The following SHTN1 variants were observed in gnomAD, a reference collection of about 807,000 sequenced individuals.
The protein encoded by SHTN1 is shootin 1, also known as shootin-1.
SHTN1 carries 42 observed loss-of-function variants against 83.1 expected under a neutral mutation model. The observed-to-expected ratio is 0.51, with a 90% CI of 0.39 to 0.65. SHTN1 has a LOEUF of 0.65. SHTN1 is among the 30% of genes least tolerant of loss of function. The pLI is 0.00. For missense variants in SHTN1, 622 were observed against 737.8 expected (o/e 0.84, Z 1.82); for synonymous variants, 224 against 247.7 (o/e 0.90, Z 0.90).
rs1564865080 is a variant in SHTN1, at chr10:116,899,542, T to TGG, written c.1673+2222_1673+2223insCC. Among the ~76,000 whole-genome samples, 2 of 94,620 alleles carry TGG rather than the reference T, an allele frequency of 2.1e-5. 1 individual carries two copies. Among genetic ancestry groups the TGG allele is most frequent in the African/African-American group, 6.1e-5 (2 of 32,746 alleles). 62.1% of individuals were successfully genotyped at this position (94,620 alleles called of 152,430 possible). On this transcript the variant is annotated intron_variant, in intron 16 of 16. Transcript: ENST00000355371. ...GTGTGTGTGTGTGTGTGTGTGTGTG[T>TGG]GTGTGAGAGAGTGCATGCATACATA...
chr10:117,003,407 T>C (rs1238994860), intron 1 of SHTN1, among the ~76,000 whole-genome samples: 1 of 149,360 alleles, frequency 6.7e-6, no homozygotes, highest in Non-Finnish European at 1.5e-5. Flanking sequence ...CCAAAGAGAC[T>C]AACATTTATC....
chr10:117,080,891 T>A (rs1853250839), intron 1 of SHTN1, among the ~76,000 whole-genome samples: 1 of 144,208 alleles, frequency 6.9e-6, no homozygotes, highest in Non-Finnish European at 1.5e-5. Flanking sequence ...TTTTGTATCC[T>A]GAGACTTTGC....
intron 1 of SHTN1, among the ~76,000 whole-genome samples, chr10:116,996,461 T>C (rs1375594401): frequency 2.0e-5 from 3 of 152,172 alleles, no homozygotes; most frequent in Non-Finnish European, 4.4e-5. Flanking sequence ...AGCTTTTGTA[T>C]CGACAACCTT....
At chr10:116,937,189 A>G (rs905226507) in intron 9 of SHTN1, among the ~76,000 whole-genome samples, 2 of 152,152 alleles carry the variant, frequency 1.3e-5, no homozygotes, top group South Asian at 4.1e-4. Context: ...TTATGTGTGA[A>G]TTTGATCCTG....
intron 9 of SHTN1, among the ~76,000 whole-genome samples, chr10:116,933,149 C>T (rs1273320016): frequency 1.3e-5 from 2 of 151,906 alleles, no homozygotes; most frequent in Non-Finnish European, 2.9e-5. Flanking sequence ...ATCAACATTT[C>T]CTTTTAAAAT....
chr10:116,969,656 G>C (rs766011617), intron 2 of SHTN1, among the ~76,000 whole-genome samples: 1 of 152,128 alleles, frequency 6.6e-6, no homozygotes, highest in Non-Finnish European at 1.5e-5. Context: ...ACTTTGGGAG[G>C]CAAGACCATA....
chr10:116,965,634 TC>T (rs1850362026), intron 3 of SHTN1, among the ~76,000 whole-genome samples: 1 of 152,128 alleles, frequency 6.6e-6, no homozygotes, highest in Non-Finnish European at 1.5e-5. Context: ...AAGAACTAAC[TC>T]CCTAAAGGTA....
intron 2 of SHTN1, 146 bp downstream of exon 2, chr10:116,979,110 C>A (rs1850917947): frequency 1.5e-6 from 1 of 674,938 alleles, no homozygotes; most frequent in Admixed American, 2.7e-5. Context: ...TTAGCTTGAA[C>A]CACACATGCA....
At chr10:117,088,607 C>T (rs559591885) in intron 1 of SHTN1, among the ~76,000 whole-genome samples, 4 of 152,166 alleles carry the variant, frequency 2.6e-5, no homozygotes, top group Admixed American at 6.5e-5. Context: ...TTCCTCCACC[C>T]TCCTTTGTCA....
intron 1 of SHTN1, among the ~76,000 whole-genome samples, chr10:117,109,504 G>C (rs1406040937): frequency 9.5e-6 from 1 of 105,710 alleles, no homozygotes; most frequent in East Asian, 2.9e-4. Context: ...TTTTTATATT[G>C]TCTTTTTTAT....
intron 15 of SHTN1, among the ~76,000 whole-genome samples, chr10:116,903,162 G>C (rs943872469): frequency 6.6e-6 from 1 of 152,192 alleles, no homozygotes; most frequent in Non-Finnish European, 1.5e-5. Context: ...CAAAGCATTA[G>C]TTTCTATCTT....
chr10:117,112,867 T>C (rs1441779753), intron 1 of SHTN1, among the ~76,000 whole-genome samples: 1 of 152,260 alleles, frequency 6.6e-6, no homozygotes, highest in Non-Finnish European at 1.5e-5. Context: ...GTTACATATA[T>C]GATTTATCAA....
chr10:117,096,852 G>C (rs978127081), intron 1 of SHTN1, among the ~76,000 whole-genome samples: 9 of 152,166 alleles, frequency 5.9e-5, no homozygotes, highest in African/African-American at 2.2e-4. Context: ...AAAAACTAAA[G>C]GGTCCATTGA....
At chr10:117,063,734 A>C (rs1456843868) in intron 1 of SHTN1, among the ~76,000 whole-genome samples, 1 of 152,074 alleles carries the variant, frequency 6.6e-6, no homozygotes, top group Non-Finnish European at 1.5e-5. Flanking sequence ...TTTATTCCTT[A>C]TAATACTCCA....
chr10:117,027,944 A>C (rs1852354280), intron 2 of SHTN1, among the ~76,000 whole-genome samples: 1 of 152,234 alleles, frequency 6.6e-6, no homozygotes, highest in Admixed American at 6.5e-5. Flanking sequence ...TGGAGGGCTC[A>C]GAAGAAGACA....
In SHTN1 at chr10:117,108,283, A is replaced by ACT. The variant is rs1477129655; in HGVS notation, c.-189+18023_-189+18024insAG. ...ATATGTTTATTGTGGCACTACTCGC[A>ACT]ATAGCAAAGACTTGGAACCAACCCA... On this transcript the variant is annotated intron_variant, in intron 1 of 17. Transcript: ENST00000392901. Among the ~76,000 whole-genome samples the ACT allele has an allele frequency of 1.0e-3, 155 of 152,260 alleles. 1 individual carries two copies. The highest frequency in any genetic ancestry group is 1.8e-3 in the Non-Finnish European group (123 of 68,032).
chr10:116,948,511 CTTAAT>C (rs1018549933), intron 7 of SHTN1, among the ~76,000 whole-genome samples: 2 of 152,164 alleles, frequency 1.3e-5, no homozygotes, highest in East Asian at 3.9e-4. Flanking sequence ...TCCACATCCT[CTTAAT>C]TTAAAATTTC....
intron 1 of SHTN1, among the ~76,000 whole-genome samples, chr10:117,070,232 A>G (rs1297299648): frequency 6.6e-6 from 1 of 151,896 alleles, no homozygotes; most frequent in East Asian, 1.9e-4. Context: ...TGGATATGGG[A>G]GGTATACATT....
intron 1 of SHTN1, among the ~76,000 whole-genome samples, chr10:117,103,480 G>C (rs943331819): frequency 1.3e-5 from 2 of 149,998 alleles, no homozygotes; most frequent in African/African-American, 4.9e-5. Flanking sequence ...TGGGTCTTGA[G>C]AGCTACTCTT....
Sources: allele counts gnomAD v4.1 joint callset (sites outside exome capture counted in the v4.1 genomes callset), GRCh38; gene constraint gnomAD v4.1.1; transcripts MANE v1.5; gene names NCBI Gene and HGNC (gene_info 2026-07-23, HGNC 2026-07-21).